ACSBG1: variants seen among roughly 807,000 people sequenced by gnomAD.
ACSBG1 encodes the protein acyl-CoA synthetase bubblegum family member 1.
ACSBG1 carries 39 observed loss-of-function variants against 80.2 expected under a neutral mutation model. That is an observed-to-expected ratio of 0.49 (90% CI 0.38 to 0.64). The LOEUF is 0.64. Ranked by LOEUF, ACSBG1 falls within the 30% of genes least tolerant of loss-of-function variation. The pLI is 0.00. For synonymous variants in ACSBG1, 392 were observed against 379.5 expected (o/e 1.03, Z -0.38); for missense variants, 828 against 966.4 (o/e 0.86, Z 1.90).
Position 78,180,859 on chromosome 15 carries a change from C to T in ACSBG1, c.1149G>A (p.Met383Ile). The change falls in exon 9 of 14, where the codon ATG (methionine) becomes ATA (isoleucine). Residue 383 changes from methionine to isoleucine, a missense_variant. This residue lies in a region of ACSBG1 where 271 missense variants were observed against 375.9 expected (regional missense o/e 0.72). Coordinates refer to ENST00000258873, the MANE Select transcript of ACSBG1 (RefSeq NM_015162.5). The stretch of plus-strand genomic sequence containing the variant: ...GAGCCGCCACCTCCTGGATGCGCTC[C>T]ATGATCTTCTCCCATACCCGGGGCA... Reference protein sequence around the residue: ...MGVPRVWEKIMERIQEVAAQS... With the variant: ...MGVPRVWEKIIERIQEVAAQS... 1 of 1,614,214 alleles carries T rather than the reference C, an allele frequency of 6.2e-7. No homozygotes were observed. Among genetic ancestry groups the T allele is most frequent in the Non-Finnish European group, 8.5e-7 (1 of 1,180,038 alleles).
At chr15:78,199,864 G>A (rs1300700586) in intron 2 of ACSBG1, among the ~76,000 whole-genome samples, 1 of 151,998 alleles carries the variant, frequency 6.6e-6, no homozygotes, top group Non-Finnish European at 1.5e-5. Flanking sequence ...CATCTTTAAC[G>A]TTGGTGATAT....
chr15:78,212,673 TC>T, intron 1 of ACSBG1: 1 of 444,778 alleles, frequency 2.2e-6, no homozygotes, highest in Non-Finnish European at 4.5e-6. Flanking sequence ...TGTCACGGAG[TC>T]CCCCCGGGAG....
At chr15:78,196,744 G>A (rs1255558121) in intron 2 of ACSBG1, among the ~76,000 whole-genome samples, 1 of 152,120 alleles carries the variant, frequency 6.6e-6, no homozygotes, top group Non-Finnish European at 1.5e-5. Flanking sequence ...AAAACAAAAT[G>A]TGGTCAGAGA....
intron 2 of ACSBG1, 85 bp downstream of exon 2, chr15:78,207,917 T>TCCCCCCCCCCCCCCCCCCCCCCCCCCC: frequency 3.4e-6 from 3 of 876,066 alleles, no homozygotes; most frequent in South Asian, 1.5e-5. Context: ...TGTGTGGTGG[T>TCCCCCCCCCCCCCCCCCCCCCCCCCCC]CCCCCACACC....
chr15:78,218,536 C>T (rs1249065652), intron 1 of ACSBG1, among the ~76,000 whole-genome samples: 1 of 152,170 alleles, frequency 6.6e-6, no homozygotes, highest in East Asian at 1.9e-4. Context: ...TATTATTTCA[C>T]TTTTTAAAAA....
At chr15:78,215,762 GAAAGAAAGAAAGAAAGAAAGAA>G (rs1332103699) in intron 1 of ACSBG1, among the ~76,000 whole-genome samples, 7 of 149,488 alleles carry the variant, frequency 4.7e-5, no homozygotes, top group African/African-American at 1.5e-4. Context: ...AAGAAAGAAA[GAAAGAAAGAAAGAAAGAAAGAA>G]AGAGAAAGAA....
chr15:78,178,570 G>A lies in ACSBG1; in HGVS notation c.1702+44C>T. 1 of 1,559,880 alleles carries A rather than the reference G, an allele frequency of 6.4e-7. No homozygotes were observed. The highest frequency in any genetic ancestry group is 8.7e-7 in the Non-Finnish European group (1 of 1,154,866). On this transcript the variant is annotated intron_variant, in intron 11 of 13. Transcript: ENST00000258873. The surrounding 1 kb of genome is among the most constrained non-coding windows in gnomAD (Gnocchi z 4.3). ...GCCCGCCTTGGCCTCCCAAAGTGCTGGGATTACAGGCATGAGCCACCGTGC... is the reference window on the plus strand; with the variant it reads ...GCCCGCCTTGGCCTCCCAAAGTGCTAGGATTACAGGCATGAGCCACCGTGC...
Position 78,171,373 on chromosome 15 carries a change from G to T in ACSBG1, c.*71C>A. On this transcript the variant is annotated 3_prime_UTR_variant, in exon 14 of 14. Transcript: ENST00000258873. ...GAAATGCCTGTGCCCAGACTGAAGA[G>T]ACCTGGGGCTCAGGAAGAGGCTCGG... 7.5e-7 allele frequency: 1 copy of T among 1,326,118 alleles called. No homozygotes were observed. Among genetic ancestry groups the T allele is most frequent in the Non-Finnish European group, 1.1e-6 (1 of 929,436 alleles). 82.1% of individuals were successfully genotyped at this position (1,326,118 alleles called of 1,614,324 possible).
intron 1 of ACSBG1, among the ~76,000 whole-genome samples, chr15:78,225,023 T>C (rs2075388660): frequency 6.6e-6 from 1 of 152,228 alleles, no homozygotes; most frequent in African/African-American, 2.4e-5. Context: ...TAAATAAATT[T>C]AGTAAGGTTG....
intron 2 of ACSBG1, among the ~76,000 whole-genome samples, chr15:78,194,952 A>G (rs993684398): frequency 6.6e-6 from 1 of 152,236 alleles, no homozygotes; most frequent in African/African-American, 2.4e-5. Flanking sequence ...GGATGCAGCA[A>G]GGAAGAGGAG....
At chr15:78,221,365 G>A (rs2075358354) in intron 1 of ACSBG1, among the ~76,000 whole-genome samples, 1 of 152,168 alleles carries the variant, frequency 6.6e-6, no homozygotes, top group African/African-American at 2.4e-5. Flanking sequence ...GGAAGGTACT[G>A]TGCCCAGACG....
At position 78,182,557 on chromosome 15, in the gene ACSBG1, A is replaced by T; in HGVS notation, c.803T>A (p.Ile268Asn). The change falls in exon 7 of 14, where the codon ATT becomes AAT. Residue 268 changes from isoleucine to asparagine, a missense_variant. By Grantham distance (149) the Ile-to-Asn change is moderately radical. Transcript: ENST00000258873. Reference sequence around the variant, plus strand: ...GCACTGGTTGGGCTGCTGGGTGTCAATGATGGCGTCCAGGGCTTCCTCAGG... The same window carrying T: ...GCACTGGTTGGGCTGCTGGGTGTCATTGATGGCGTCCAGGGCTTCCTCAGG... Reference protein sequence around the residue: ...EVPEEALDAIIDTQQPNQCCV... With the variant: ...EVPEEALDAINDTQQPNQCCV... 6.2e-7 allele frequency: 1 copy of T among 1,614,158 alleles called. No individual in the cohort carries two copies. Among genetic ancestry groups the T allele is most frequent in the Non-Finnish European group, 8.5e-7 (1 of 1,179,998 alleles).
chr15:78,234,443 T>G lies in ACSBG1; in HGVS notation c.59A>C (p.Asp20Ala). 1.9e-6 allele frequency: 3 copies of G among 1,613,174 alleles called. No individual in the cohort carries two copies. The highest frequency in any genetic ancestry group is 2.5e-6 in the Non-Finnish European group (3 of 1,180,034). Residue 20 changes from aspartate (D) to alanine (A), a missense_variant, in exon 1 of 14, where the codon GAC (aspartate) becomes GCC (alanine). Physicochemically the swap from Asp to Ala is moderately radical, Grantham distance 126 (BLOSUM62 -2). This residue lies in a region of ACSBG1 where 356 missense variants were observed against 363.5 expected (regional missense o/e 0.98). Coordinates refer to ENST00000258873, the MANE Select transcript of ACSBG1 (RefSeq NM_015162.5). Reference protein sequence around the residue: ...GCPHGDPSMLDSRETPQESRQ... With the variant: ...GCPHGDPSMLASRETPQESRQ... ...GCTCTCCTGTGGGGTCTCTCTGCTG[T>G]CCAGCATGCTGGGGTCCCCGTGTGG...
At chr15:78,229,969 G>A (rs866957615) in intron 1 of ACSBG1, among the ~76,000 whole-genome samples, 2 of 152,144 alleles carry the variant, frequency 1.3e-5, no homozygotes, top group Non-Finnish European at 2.9e-5. Context: ...TCAGCACAGC[G>A]CCCTGCTTGC....
chr15:78,181,002 A>C (rs1595882119), intron 8 of ACSBG1, 66 bp from the exon 9 acceptor site: 1 of 1,557,036 alleles, frequency 6.4e-7, no homozygotes, highest in South Asian at 1.2e-5. Context: ...GTCCCCTCTT[A>C]CCAGCCAGGC....
intron 1 of ACSBG1, among the ~76,000 whole-genome samples, chr15:78,233,143 G>A (rs1433476328): frequency 1.3e-5 from 2 of 152,178 alleles, no homozygotes; most frequent in East Asian, 1.9e-4. Flanking sequence ...TCTTCCAGGG[G>A]CCCTTGACCC....
rs2074940145 is a variant in ACSBG1, at chr15:78,181,233, G to A, written c.1072-297C>T. 4 of 401,288 alleles carry A rather than the reference G, an allele frequency of 1.0e-5. No homozygotes were observed. The East Asian group carries it at 1.1e-4, about 12-fold the overall frequency. 24.9% of individuals were successfully genotyped at this position (401,288 alleles called of 1,614,324 possible). ...AGACACAAGAATCCCATTCCCCTCG[G>A]CAGCATATGGTTTGAGAACAGACAG... is the stretch of plus-strand genomic sequence containing the variant. On this transcript the variant is annotated intron_variant, in intron 8 of 13. Coordinates refer to ENST00000258873, the MANE Select transcript of ACSBG1 (RefSeq NM_015162.5).
At position 78,177,962 on chromosome 15, in the gene ACSBG1, A is replaced by C. The variant is rs979856073; in HGVS notation, c.1702+652T>G. ...TCCAATTTGCATTCTATTCCCCATC[A>C]TATCCATGTTTGCATATAAAAATAC... On this transcript the variant is annotated intron_variant, in intron 11 of 13. Coordinates refer to ENST00000258873, the MANE Select transcript of ACSBG1 (RefSeq NM_015162.5). The surrounding 1 kb of genome is among the most constrained non-coding windows in gnomAD (Gnocchi z 4.1). 1.3e-5 allele frequency among the ~76,000 whole-genome samples: 2 copies of C among 152,096 alleles called. No homozygotes were observed. Among genetic ancestry groups the C allele is most frequent in the Non-Finnish European group, 1.5e-5 (1 of 68,022 alleles).
At chr15:78,198,841 G>A (rs541958636) in intron 2 of ACSBG1, among the ~76,000 whole-genome samples, 2 of 152,314 alleles carry the variant, frequency 1.3e-5, no homozygotes, top group South Asian at 4.1e-4. Context: ...TCTTATTAAT[G>A]TATTAATCAC....
Sources: allele counts gnomAD v4.1 joint callset (sites outside exome capture counted in the v4.1 genomes callset), GRCh38; gene constraint gnomAD v4.1.1; regional missense constraint gnomAD v4.1.1; non-coding constraint Gnocchi (gnomAD v3.1); transcripts MANE v1.5; gene names NCBI Gene and HGNC (gene_info 2026-07-23, HGNC 2026-07-21).